The following TGFBR3 variants were observed in gnomAD, a reference collection of about 807,000 sequenced individuals.
TGFBR3 encodes the protein transforming growth factor beta receptor type 3.
TGFBR3 carries 46 observed loss-of-function variants against 87.9 expected under a neutral mutation model. The observed-to-expected ratio is 0.52, with a 90% CI of 0.41 to 0.67. TGFBR3 has a LOEUF of 0.67. Ranked by LOEUF, TGFBR3 falls within the 30% of genes least tolerant of loss-of-function variation. TGFBR3 has a pLI of 0.00. For missense variants in TGFBR3, 866 were observed against 1,041.9 expected, an observed-to-expected ratio of 0.83 and a Z score of 2.32; for synonymous variants, 381 against 391.6, an observed-to-expected ratio of 0.97 and a Z score of 0.32.
chr1:91,863,678 A>G (rs992932572), intron 1 of TGFBR3, among the ~76,000 whole-genome samples: 36 of 152,344 alleles, frequency 2.4e-4, no homozygotes, highest in African/African-American at 8.2e-4. Context: ...AAACATTACA[A>G]CAGTCAAAAG....
rs752764596 is a variant in TGFBR3 at position 91,681,913 on chromosome 1, A to C, written c.*1826T>G. The C allele has an allele frequency of 1.1e-5, 5 of 449,098 alleles. No homozygotes were observed. Among genetic ancestry groups the C allele is most frequent in the Non-Finnish European group, 1.8e-5 (4 of 225,562 alleles). 27.8% of individuals were successfully genotyped at this position (449,098 alleles called of 1,614,324 possible). ...ATACCCTTCTGTTAAAAAAAAATTAAAGGAAAAAAATTCTCTAAACTCATG... is the reference window on the plus strand; with the variant it reads ...ATACCCTTCTGTTAAAAAAAAATTACAGGAAAAAAATTCTCTAAACTCATG... On this transcript the variant is annotated 3_prime_UTR_variant, in exon 17 of 17. Coordinates refer to ENST00000212355, the MANE Select transcript of TGFBR3 (RefSeq NM_003243.5).
chr1:91,744,887 A>C (rs1673285253), intron 4 of TGFBR3, among the ~76,000 whole-genome samples: 1 of 152,238 alleles, frequency 6.6e-6, no homozygotes, highest in African/African-American at 2.4e-5. Flanking sequence ...GGATGGAGTC[A>C]TCTCCTTGCA....
intron 2 of TGFBR3, among the ~76,000 whole-genome samples, chr1:91,897,105 T>C (rs555053226): frequency 6.6e-6 from 1 of 152,354 alleles, no homozygotes; most frequent in South Asian, 2.1e-4. Flanking sequence ...TGGTTGTTTT[T>C]CTCTTTCCTA....
At chr1:91,692,349 T>C (rs191131855) in intron 16 of TGFBR3, among the ~76,000 whole-genome samples, 10 of 152,206 alleles carry the variant, frequency 6.6e-5, no homozygotes, top group Admixed American at 4.6e-4. Context: ...AATAATGCTC[T>C]GGGGAGTGAG....
chr1:91,878,687 G>C (rs1220862370), intron 1 of TGFBR3, among the ~76,000 whole-genome samples: 1 of 152,166 alleles, frequency 6.6e-6, no homozygotes, highest in Non-Finnish European at 1.5e-5. Context: ...ATTTTCTAAA[G>C]ATCATTTTTC....
At position 91,716,271 on chromosome 1, in the gene TGFBR3, A is replaced by G. The variant is rs1485865310; in HGVS notation, c.1831T>C (p.Phe611Leu). ...DLFLVPSQGV[F>L]SVPENGHVYV... Reference sequence around the variant, plus strand: ...ACGTGTCCATTCTCTGGCACAGAGAAGACGCCCTGGGAGGGCACCAAAAAG... The same window carrying G: ...ACGTGTCCATTCTCTGGCACAGAGAGGACGCCCTGGGAGGGCACCAAAAAG... The change falls in exon 12 of 17, where the codon TTC becomes CTC. Residue 611 changes from phenylalanine (F) to leucine (L), a missense_variant. Transcript: ENST00000212355. 2.5e-6 allele frequency: 4 copies of G among 1,614,050 alleles called. No individual in the cohort carries two copies. Among genetic ancestry groups the G allele is most frequent in the Non-Finnish European group, 3.4e-6 (4 of 1,180,030 alleles).
chr1:91,880,392 G>C (rs916178645), intron 1 of TGFBR3, among the ~76,000 whole-genome samples: 2 of 152,154 alleles, frequency 1.3e-5, no homozygotes, highest in Non-Finnish European at 2.9e-5. Flanking sequence ...GAGGTCAGGA[G>C]ATTGAGACCA....
rs142241335 is a variant in TGFBR3, at chr1:91,874,321, G to A, written c.-114+11557C>T. 3.0e-4 allele frequency among the ~76,000 whole-genome samples: 45 copies of A among 152,260 alleles called. No homozygotes were observed. The East Asian group carries it at 8.1e-3, about 27-fold the overall frequency. ...ACATGCAAAGGCCCTGAGACAGAGC[G>A]TATCTGGCGTGCTCAGGGACCAACA... On this transcript the variant is annotated intron_variant, in intron 1 of 16. Transcript: ENST00000212355.
At chr1:91,889,391 C>T (rs1472300275), upstream of TGFBR3, among the ~76,000 whole-genome samples, 2 of 152,162 alleles carry the variant, frequency 1.3e-5, no homozygotes, top group African/African-American at 4.8e-5. Context: ...CCAGGTTCTT[C>T]TACCTGTCAT....
At chr1:91,893,743 A>G (rs1679493043) in intron 2 of TGFBR3, among the ~76,000 whole-genome samples, 1 of 152,038 alleles carries the variant, frequency 6.6e-6, no homozygotes, top group Admixed American at 6.6e-5. Context: ...TCATAATAAA[A>G]GACATTATTT....
intron 3 of TGFBR3, among the ~76,000 whole-genome samples, chr1:91,784,159 G>A (rs942246901): frequency 5.3e-5 from 8 of 152,116 alleles, no homozygotes; most frequent in Admixed American, 4.6e-4. Context: ...GCAGTTTAGA[G>A]TAAAAAATAA....
chr1:91,724,567 A>G (rs1177408399), intron 7 of TGFBR3, among the ~76,000 whole-genome samples: 1 of 152,240 alleles, frequency 6.6e-6, no homozygotes, highest in Non-Finnish European at 1.5e-5. Flanking sequence ...GGAGCTGTCA[A>G]TACATCTCAT....
At chr1:91,758,911 T>C (rs1229600170) in intron 3 of TGFBR3, among the ~76,000 whole-genome samples, 161 bp from the exon 4 acceptor site, 6 of 152,252 alleles carry the variant, frequency 3.9e-5, no homozygotes, top group African/African-American at 1.4e-4. Flanking sequence ...TTGAACCAGA[T>C]GATATTGCCA....
chr1:91,835,720 G>A (rs1389416441), intron 2 of TGFBR3, among the ~76,000 whole-genome samples: 1 of 150,420 alleles, frequency 6.6e-6, no homozygotes, highest in Admixed American at 6.6e-5. Context: ...CCCAGCTACT[G>A]GGGAGGCTGA....
chr1:91,801,364 G>C (rs959038053), intron 2 of TGFBR3, among the ~76,000 whole-genome samples: 4 of 152,158 alleles, frequency 2.6e-5, no homozygotes, highest in Non-Finnish European at 5.9e-5. Context: ...AGAGATGATG[G>C]TGCCCGTGGA....
intron 1 of TGFBR3, among the ~76,000 whole-genome samples, chr1:91,900,446 G>A (rs1679687699): frequency 6.6e-6 from 1 of 152,218 alleles, no homozygotes; most frequent in South Asian, 2.1e-4. Flanking sequence ...GTTGTTAGCT[G>A]TTAGATGAAC....
At chr1:91,758,560 G>T in intron 4 of TGFBR3, 53 bp downstream of exon 4, 2 of 1,608,862 alleles carry the variant, frequency 1.2e-6, no homozygotes, top group Non-Finnish European at 1.7e-6. Flanking sequence ...AAAGTTTAAG[G>T]ACCATTATGT....
At position 91,785,768 on chromosome 1, in the gene TGFBR3, C is replaced by CT. The variant is rs774046968; in HGVS notation, c.246+11518dup. ...ACACACCCTTTGTTGGGCTTCTGTA[C>CT]TTTTTTTTTTTTTTTTTTAGACAGC... On this transcript the variant is annotated intron_variant, in intron 3 of 16. Coordinates refer to ENST00000212355, the MANE Select transcript of TGFBR3 (RefSeq NM_003243.5). 9.9e-3 allele frequency among the ~76,000 whole-genome samples: 1,358 copies of CT among 137,120 alleles called. 13 individuals are homozygous for CT. Among genetic ancestry groups the CT allele is most frequent in the African/African-American group, 0.03 (1,125 of 37,600 alleles). 90.0% of individuals were successfully genotyped at this position (137,120 alleles called of 152,430 possible).
upstream of TGFBR3, among the ~76,000 whole-genome samples, chr1:91,889,898 G>A (rs1162510543): frequency 6.6e-6 from 1 of 152,080 alleles, no homozygotes; most frequent in Non-Finnish European, 1.5e-5. Flanking sequence ...CTGACCTCAA[G>A]TGATCCACCC....
Sources: allele counts gnomAD v4.1 joint callset (sites outside exome capture counted in the v4.1 genomes callset), GRCh38; gene constraint gnomAD v4.1.1; transcripts MANE v1.5; gene names NCBI Gene and HGNC (gene_info 2026-07-23, HGNC 2026-07-21).